Variants in EDNRA observed in about 807,000 individuals in gnomAD.
EDNRA encodes the protein endothelin-1 receptor.
EDNRA carries 11 observed loss-of-function variants against 41.4 expected under a neutral mutation model. The ratio of observed to expected loss-of-function variants is 0.27; its 90% CI spans 0.17 to 0.44. The LOEUF is 0.44. EDNRA is among the 20% of genes least tolerant of loss of function. The pLI, the probability that EDNRA is intolerant of heterozygous loss-of-function variation, is 1.00. For missense variants in EDNRA, 294 were observed against 531.0 expected (o/e 0.55, Z 4.39); for synonymous variants, 172 against 183.0 (o/e 0.94, Z 0.49).
chr4:147,529,994 T>C (rs1730690840), intron 3 of EDNRA, among the ~76,000 whole-genome samples: 1 of 152,204 alleles, frequency 6.6e-6, no homozygotes, highest in South Asian at 2.1e-4. Flanking sequence ...TCATGAATTA[T>C]TTGCTAAACT....
intron 3 of EDNRA, among the ~76,000 whole-genome samples, chr4:147,524,956 AG>A (rs1279134689): frequency 6.6e-6 from 1 of 152,250 alleles, no homozygotes; most frequent in African/African-American, 2.4e-5. Flanking sequence ...AGGAATGAAA[AG>A]GGAGTTTGGA....
intron 2 of EDNRA, chr4:147,487,988 C>T (rs1174925698): frequency 6.6e-6 from 1 of 152,204 alleles, no homozygotes; most frequent in African/African-American, 2.4e-5. Flanking sequence ...TTTCTCCTGA[C>T]ATTTCTCCTT....
chr4:147,481,780 C>G (rs941789784), intron 1 of EDNRA, among the ~76,000 whole-genome samples: 1 of 152,232 alleles, frequency 6.6e-6, no homozygotes, highest in African/African-American at 2.4e-5. Flanking sequence ...ACAGCCTTTT[C>G]TTACTGGCTT....
intron 2 of EDNRA, chr4:147,491,352 G>T (rs1041259570): frequency 5.3e-5 from 8 of 152,084 alleles, no homozygotes; most frequent in Non-Finnish European, 8.8e-5. Context: ...CCATCCTTCT[G>T]GGGCAGCTTT....
intron 5 of EDNRA, among the ~76,000 whole-genome samples, chr4:147,539,014 C>A (rs537222592): frequency 6.6e-6 from 1 of 152,136 alleles, no homozygotes; most frequent in South Asian, 2.1e-4. Flanking sequence ...GCAGATAATT[C>A]CTAATTTATA....
At chr4:147,487,302 T>A (rs1728981079) in intron 2 of EDNRA, among the ~76,000 whole-genome samples, 1 of 152,052 alleles carries the variant, frequency 6.6e-6, no homozygotes, top group Non-Finnish European at 1.5e-5. Context: ...CAAAACAAAC[T>A]AAAGCCGAAG....
At chr4:147,497,344 G>A (rs1049507965) in intron 2 of EDNRA, among the ~76,000 whole-genome samples, 1 of 151,552 alleles carries the variant, frequency 6.6e-6, no homozygotes, top group Non-Finnish European at 1.5e-5. Context: ...TGTGGCCTGT[G>A]TATGAATTTG....
At chr4:147,541,657 T>C (rs1731107653) in intron 7 of EDNRA, among the ~76,000 whole-genome samples, 1 of 152,168 alleles carries the variant, frequency 6.6e-6, no homozygotes, top group Non-Finnish European at 1.5e-5. Flanking sequence ...GCATGGAACT[T>C]ACAGTCTAAA....
Position 147,498,375 on chromosome 4 carries a change from G to A in EDNRA, c.420+12274G>A, listed in dbSNP as rs145831232. Among the ~76,000 whole-genome samples, 33 of 152,276 alleles carry A rather than the reference G, an allele frequency of 2.2e-4. No individual in the cohort carries two copies. In the East Asian group the frequency reaches 5.0e-3, roughly 23 times the overall value. On this transcript the variant is annotated intron_variant, in intron 2 of 7. Coordinates refer to ENST00000651419, the MANE Select transcript of EDNRA (RefSeq NM_001957.4). ...AAAGGAAGTCAACCCAGAGGGAGTGGTATGCACTAAGGTGACCGTCCAGAG... is the reference window on the plus strand; with the variant it reads ...AAAGGAAGTCAACCCAGAGGGAGTGATATGCACTAAGGTGACCGTCCAGAG...
chr4:147,520,951 G>C (rs1730303696), intron 3 of EDNRA, among the ~76,000 whole-genome samples: 1 of 152,118 alleles, frequency 6.6e-6, no homozygotes, highest in South Asian at 2.1e-4. Flanking sequence ...AATTAGAATG[G>C]TATCCTTGTT....
At position 147,535,872 on chromosome 4, in the gene EDNRA, TGAAG is replaced by T. The variant is rs1306083976; in HGVS notation, c.748-4_748-1del. 1.2e-6 allele frequency: 2 copies of T among 1,610,336 alleles called. No individual in the cohort carries two copies. Among genetic ancestry groups the T allele is most frequent in the Admixed American group, 1.7e-5 (1 of 59,270 alleles). On this transcript the variant is annotated splice_acceptor_variant and splice_polypyrimidine_tract_variant and intron_variant, in intron 4 of 7. Transcript: ENST00000651419. LOFTEE classifies it high-confidence loss of function. The stretch of plus-strand genomic sequence containing the variant: ...TTTTCTCTTTTTTTTTTTTTCACTT[TGAAG>T]TTCTACCAAGATGTAAAGGACTGGT...
Position 147,543,931 on chromosome 4 carries a change from G to A in EDNRA, c.*1313G>A, listed in dbSNP as rs1053766008. ...AAAGGGCCCACAGTGACTTTTGCTGGGCATTTTCCCAGATGTTTACAGACT... is the reference window on the plus strand; with the variant it reads ...AAAGGGCCCACAGTGACTTTTGCTGAGCATTTTCCCAGATGTTTACAGACT... On this transcript the variant is annotated 3_prime_UTR_variant, in exon 8 of 8. Coordinates refer to ENST00000651419, the MANE Select transcript of EDNRA (RefSeq NM_001957.4). 2 of 152,424 alleles carry A rather than the reference G, an allele frequency of 1.3e-5. No homozygotes were observed. The highest frequency in any genetic ancestry group is 2.1e-4 in the South Asian group (1 of 4,810). The allele number at this position is 152,424 out of a possible 1,614,324, so 9.4% of individuals were successfully genotyped here.
chr4:147,502,233 G>A (rs1419112217), intron 2 of EDNRA, among the ~76,000 whole-genome samples: 1 of 152,086 alleles, frequency 6.6e-6, no homozygotes, highest in Admixed American at 6.5e-5. Flanking sequence ...TAATGAAGAG[G>A]ACACTAATTC....
intron 5 of EDNRA, 146 bp downstream of exon 5, chr4:147,536,175 G>T (rs939998168): frequency 4.9e-6 from 5 of 1,027,278 alleles, no homozygotes; most frequent in Non-Finnish European, 5.5e-6. Context: ...TAGTAATAGT[G>T]TTAGAAATTT....
At chr4:147,494,316 T>C (rs1207130559) in intron 2 of EDNRA, 1 of 152,110 alleles carries the variant, frequency 6.6e-6, no homozygotes, top group Non-Finnish European at 1.5e-5. Flanking sequence ...AAATACATAG[T>C]ATGTAAGATA....
At chr4:147,527,846 C>T (rs908454619) in intron 3 of EDNRA, among the ~76,000 whole-genome samples, 1 of 152,152 alleles carries the variant, frequency 6.6e-6, no homozygotes. Flanking sequence ...GAGCCATGGT[C>T]CAGACGCCCC....
At chr4:147,542,256 A>G (rs1731130306) in intron 7 of EDNRA, among the ~76,000 whole-genome samples, 1 of 152,178 alleles carries the variant, frequency 6.6e-6, no homozygotes, top group South Asian at 2.1e-4. Flanking sequence ...ACTTGGTAAT[A>G]AAATTAAAAT....
At chr4:147,534,259 G>C (rs1730845604) in intron 4 of EDNRA, among the ~76,000 whole-genome samples, 1 of 152,184 alleles carries the variant, frequency 6.6e-6, no homozygotes, top group Non-Finnish European at 1.5e-5. Flanking sequence ...GTGCTCAAAG[G>C]AGTGTTCGTG....
At chr4:147,523,755 G>A (rs1046372899) in intron 3 of EDNRA, among the ~76,000 whole-genome samples, 2 of 152,050 alleles carry the variant, frequency 1.3e-5, no homozygotes, top group Admixed American at 6.6e-5. Context: ...CTCCCAAAGT[G>A]CTGGGATTAC....
Sources: gnomAD v4.1 joint callset for allele counts (sites outside exome capture counted in the v4.1 genomes callset) on GRCh38, gnomAD v4.1.1 for gene constraint, MANE v1.5 for transcripts, NCBI Gene and HGNC (gene_info 2026-07-23, HGNC 2026-07-21) for gene names.